Variants in TENM1 observed in about 807,000 individuals in gnomAD.
The protein encoded by TENM1 is teneurin-1.
TENM1 carries 35 observed loss-of-function variants against 174.8 expected under a neutral mutation model. The ratio of observed to expected loss-of-function variants is 0.20; its 90% CI spans 0.15 to 0.27. TENM1 has a LOEUF of 0.27. Ranked by LOEUF, TENM1 falls within the 10% of genes least tolerant of loss-of-function variation. The probability of loss-of-function intolerance (pLI) is 1.00; values close to 1 mark genes in which losing one functional copy is unlikely to be tolerated. For synonymous variants in TENM1, 781 were observed against 798.7 expected, an observed-to-expected ratio of 0.98 and a Z score of 0.37; for missense variants, 1,633 against 2,130.1, an observed-to-expected ratio of 0.77 and a Z score of 4.59.
At chrX:124,464,865 G>A (rs2061224661) in intron 22 of TENM1, among the ~76,000 whole-genome samples, 1 of 111,985 alleles carries the variant, frequency 8.9e-6, no homozygotes, top group Non-Finnish European at 1.9e-5. Flanking sequence ...GACATTGAGA[G>A]GCATTTAAAA....
At chrX:124,646,024 T>C (rs73558385) in intron 9 of TENM1, among the ~76,000 whole-genome samples, 13,192 of 111,760 alleles carry the variant, frequency 0.12, 1,627 homozygotes, top group African/African-American at 0.37. Context: ...AAACCAAGTG[T>C]CTGAGAAACC....
chrX:124,840,982 C>T (rs940964182), intron 3 of TENM1, among the ~76,000 whole-genome samples: 9 of 111,924 alleles, frequency 8.0e-5, no homozygotes, highest in Non-Finnish European at 1.3e-4. Flanking sequence ...ACATGATTTG[C>T]TGTGCTTATT....
intron 3 of TENM1, among the ~76,000 whole-genome samples, chrX:124,751,873 A>T (rs1042019889): frequency 3.5e-4 from 39 of 110,351 alleles, no homozygotes; most frequent in Non-Finnish European, 5.7e-5. Context: ...TGCCACATTT[A>T]CTTAATCCAG....
At chrX:124,718,417 T>C (rs773563802) in intron 4 of TENM1, among the ~76,000 whole-genome samples, 2 of 112,426 alleles carry the variant, frequency 1.8e-5, no homozygotes, top group East Asian at 5.6e-4. Context: ...TCCATCTTTA[T>C]GCATTACCAG....
chrX:124,571,386 AAAG>A (rs1315227765), intron 11 of TENM1, among the ~76,000 whole-genome samples: 2 of 111,889 alleles, frequency 1.8e-5, no homozygotes, highest in Non-Finnish European at 3.8e-5. Context: ...ATGTAGTAGA[AAAG>A]AAGAAGAATT....
the TENM1 span, among the ~76,000 whole-genome samples, chrX:125,131,836 G>A: frequency 9.0e-6 from 1 of 111,284 alleles, no homozygotes; most frequent in African/African-American, 3.3e-5. Flanking sequence ...GTACTTTGTT[G>A]GGTGCTGTTG....
At chrX:124,705,867 TTTTTG>T (rs982921012) in intron 4 of TENM1, among the ~76,000 whole-genome samples, 2 of 111,427 alleles carry the variant, frequency 1.8e-5, no homozygotes, top group African/African-American at 6.5e-5. Flanking sequence ...AGTTTTTAGT[TTTTTG>T]TTTTGTTTTG....
At chrX:124,648,020 A>G (rs2051205711) in intron 8 of TENM1, among the ~76,000 whole-genome samples, 1 of 111,480 alleles carries the variant, frequency 9.0e-6, no homozygotes, top group South Asian at 3.8e-4. Flanking sequence ...AGGGTCGAGA[A>G]ATAGCATTTC....
chrX:124,718,795 C>G (rs1336778342), intron 4 of TENM1, among the ~76,000 whole-genome samples: 1 of 111,872 alleles, frequency 8.9e-6, no homozygotes, highest in Admixed American at 9.5e-5. Context: ...TTACCAGTAC[C>G]AGGACTAAGT....
intron 22 of TENM1, among the ~76,000 whole-genome samples, chrX:124,453,951 G>A (rs192810822): frequency 9.8e-4 from 110 of 111,767 alleles, no homozygotes; most frequent in African/African-American, 3.5e-3. Context: ...TTTGTTAAAA[G>A]GGAGTTTGTA....
intron 11 of TENM1, among the ~76,000 whole-genome samples, chrX:124,599,004 A>G (rs2049970130): frequency 9.0e-6 from 1 of 111,568 alleles, no homozygotes; most frequent in African/African-American, 3.3e-5. Context: ...GTATCAAGAT[A>G]TCTTTTGCAT....
intron 11 of TENM1, among the ~76,000 whole-genome samples, chrX:124,581,630 G>A (rs1363414337): frequency 8.9e-6 from 1 of 112,045 alleles, no homozygotes; most frequent in Non-Finnish European, 1.9e-5. Flanking sequence ...TTTCCACAGT[G>A]GTTGAACTAA....
rs975114725 is a variant in TENM1, at chrX:124,811,293, C to T, written c.536-74096G>A. Among the ~76,000 whole-genome samples the T allele has an allele frequency of 5.4e-5, 6 of 111,396 alleles. No individual in the cohort carries two copies. In the East Asian group the frequency reaches 1.1e-3, roughly 21 times the overall value. ...GATAAGGGGTTAATATCTAAAATATCTAAGAAACACAAACAACTCAATAGC... is the reference window on the plus strand; with the variant it reads ...GATAAGGGGTTAATATCTAAAATATTTAAGAAACACAAACAACTCAATAGC... On this transcript the variant is annotated intron_variant, in intron 3 of 31. Transcript: ENST00000422452.
At chrX:125,017,333 T>C in the TENM1 span, among the ~76,000 whole-genome samples, 13 of 111,883 alleles carry the variant, frequency 1.2e-4, no homozygotes, top group African/African-American at 2.6e-4. Context: ...AGGGCTAATA[T>C]GCAAAATCTA....
chrX:124,729,366 G>T (rs957129619), intron 4 of TENM1, among the ~76,000 whole-genome samples: 1 of 112,066 alleles, frequency 8.9e-6, no homozygotes, highest in Non-Finnish European at 1.9e-5. Flanking sequence ...TCTGAAAACA[G>T]CCCCATGAGG....
chrX:124,795,848 T>C (rs1189971529), intron 3 of TENM1, among the ~76,000 whole-genome samples: 1 of 111,292 alleles, frequency 9.0e-6, no homozygotes, highest in East Asian at 2.8e-4. Context: ...CCAGCTTATT[T>C]TGAGGATCTG....
intron 6 of TENM1, among the ~76,000 whole-genome samples, chrX:124,664,532 GAAAAAAA>G (rs779501054): frequency 8.9e-4 from 26 of 29,259 alleles, no homozygotes; most frequent in East Asian, 3.3e-3. Flanking sequence ...TAAAGCAAAA[GAAAAAAA>G]AAAAAAAAAA....
At chrX:124,532,507 T>G (rs1342238711) in intron 15 of TENM1, among the ~76,000 whole-genome samples, 2 of 111,700 alleles carry the variant, frequency 1.8e-5, no homozygotes, top group South Asian at 3.8e-4. Flanking sequence ...GTCTTTTGAC[T>G]CTTCTGCTTC....
At chrX:124,646,135 T>A (rs2051152252) in intron 9 of TENM1, among the ~76,000 whole-genome samples, 2 of 112,275 alleles carry the variant, frequency 1.8e-5, no homozygotes, top group Admixed American at 9.5e-5. Flanking sequence ...GAAAACATGA[T>A]GTGATTTACC....
Sources: gnomAD v4.1 joint callset for allele counts (sites outside exome capture counted in the v4.1 genomes callset) on GRCh38, gnomAD v4.1.1 for gene constraint, MANE v1.5 for transcripts, NCBI Gene and HGNC (gene_info 2026-07-23, HGNC 2026-07-21) for gene names.